Variants in STXBP5L observed in about 807,000 individuals in gnomAD.
STXBP5L encodes syntaxin binding protein 5L.
A neutral mutation model predicts 144.5 loss-of-function variants in STXBP5L; 65 were observed. The ratio of observed to expected loss-of-function variants is 0.45; its 90% CI spans 0.37 to 0.55. The LOEUF is 0.55. Among genes scored for constraint, STXBP5L ranks in the 20% least tolerant of loss-of-function variants. The pLI, the probability that STXBP5L is intolerant of heterozygous loss-of-function variation, is 0.00. For synonymous variants in STXBP5L, 505 were observed against 469.6 expected (o/e 1.08, Z -0.97); for missense variants, 1,298 against 1,405.5 (o/e 0.92, Z 1.22).
At chr3:121,172,408 A>T (rs1339333248) in intron 9 of STXBP5L, among the ~76,000 whole-genome samples, 1 of 152,190 alleles carries the variant, frequency 6.6e-6, no homozygotes, top group African/African-American at 2.4e-5. Flanking sequence ...AACCTACAGA[A>T]TGGGAGAAAA....
intron 20 of STXBP5L, among the ~76,000 whole-genome samples, chr3:121,341,410 T>C (rs1318236545): frequency 1.3e-5 from 2 of 152,060 alleles, no homozygotes; most frequent in African/African-American, 4.8e-5. Flanking sequence ...AGAAAAGCAC[T>C]GTTGGTGGGA....
intron 2 of STXBP5L, among the ~76,000 whole-genome samples, chr3:120,935,004 T>G (rs1189112809): frequency 1.3e-5 from 2 of 151,926 alleles, no homozygotes; most frequent in Non-Finnish European, 2.9e-5. Flanking sequence ...AAATGGTTAT[T>G]GATAGAGTTG....
At position 121,392,806 on chromosome 3, in the gene STXBP5L, T is replaced by TATATA. The variant is rs1257765167; in HGVS notation, c.2587+11276_2587+11277insATAAT. ...ATATATATATATATATATATATATA[T>TATATA]ATCACATTTTTAATCCAATTGCCCA... On this transcript the variant is annotated intron_variant, in intron 22 of 26. Transcript: ENST00000471454. Among the ~76,000 whole-genome samples, 5 of 139,074 alleles carry TATATA rather than the reference T, an allele frequency of 3.6e-5. No homozygotes were observed. In the East Asian group the frequency reaches 1.1e-3, roughly 30 times the overall value. 91.2% of individuals were successfully genotyped at this position (139,074 alleles called of 152,430 possible).
At position 121,143,603 on chromosome 3, in the gene STXBP5L, C is replaced by T. The variant is rs1367725838; in HGVS notation, c.670-8874C>T. Among the ~76,000 whole-genome samples, 6 of 151,860 alleles carry T rather than the reference C, an allele frequency of 4.0e-5. 1 individual carries two copies. In the South Asian group the frequency reaches 1.0e-3, roughly 26 times the overall value. On this transcript the variant is annotated intron_variant, in intron 7 of 26. Coordinates refer to ENST00000471454, the MANE Select transcript of STXBP5L (RefSeq NM_001308330.2). ...ATGTAGTATGACAATTGCATAAAAA[C>T]AGACATATAGACCAATGGAACAGAA...
At position 120,977,123 on chromosome 3, in the gene STXBP5L, C is replaced by T. The variant is rs182468750; in HGVS notation, c.287+22086C>T. Among the ~76,000 whole-genome samples the T allele has an allele frequency of 5.9e-5, 9 of 152,304 alleles. No individual in the cohort carries two copies. In the East Asian group the frequency reaches 9.6e-4, roughly 16 times the overall value. On this transcript the variant is annotated intron_variant, in intron 3 of 26. Coordinates refer to ENST00000471454, the MANE Select transcript of STXBP5L (RefSeq NM_001308330.2). ...CTTGTTACCTTTCTGTCTCATTGAT[C>T]TGTCTAATGTTGACAGTGGGGTGTT...
intron 3 of STXBP5L, among the ~76,000 whole-genome samples, chr3:120,989,330 A>G (rs764545679): frequency 7.2e-5 from 11 of 152,128 alleles, no homozygotes; most frequent in Non-Finnish European, 1.3e-4. Context: ...AGCCATTCTG[A>G]CTGGTGTAAG....
intron 7 of STXBP5L, among the ~76,000 whole-genome samples, chr3:121,141,607 T>C (rs372486120): frequency 2.6e-5 from 4 of 152,120 alleles, no homozygotes; most frequent in African/African-American, 9.7e-5. Context: ...TATAAGTAGA[T>C]GAAAATTGTG....
At chr3:121,180,531 AAAAC>A (rs550948092) in intron 9 of STXBP5L, among the ~76,000 whole-genome samples, 1 of 152,228 alleles carries the variant, frequency 6.6e-6, no homozygotes, top group Non-Finnish European at 1.5e-5. Context: ...ATACAATGAA[AAAAC>A]AAACAAACAA....
chr3:120,974,125 C>T (rs2107811526), intron 3 of STXBP5L, among the ~76,000 whole-genome samples: 1 of 152,276 alleles, frequency 6.6e-6, no homozygotes, highest in Admixed American at 6.5e-5. Flanking sequence ...ACACTAACTT[C>T]CACAATGGTT....
At chr3:121,407,151 T>C in intron 22 of STXBP5L, 92 bp from the exon 23 acceptor site, 1 of 1,435,030 alleles carries the variant, frequency 7.0e-7, no homozygotes, top group Non-Finnish European at 9.3e-7. Flanking sequence ...TATGACTCTA[T>C]AGGTATAAAT....
At chr3:120,931,602 G>T (rs1300316516) in intron 2 of STXBP5L, among the ~76,000 whole-genome samples, 1 of 152,122 alleles carries the variant, frequency 6.6e-6, no homozygotes, top group Non-Finnish European at 1.5e-5. Context: ...TTTTAAAGTA[G>T]TTTTTGTAGA....
chr3:121,270,654 C>T (rs537978785), intron 18 of STXBP5L, among the ~76,000 whole-genome samples: 3 of 152,158 alleles, frequency 2.0e-5, no homozygotes, highest in East Asian at 1.9e-4. Context: ...TGTTTTGCCA[C>T]GTTGACCAGG....
At chr3:121,332,557 A>T (rs1317478886) in intron 20 of STXBP5L, among the ~76,000 whole-genome samples, 1 of 152,038 alleles carries the variant, frequency 6.6e-6, no homozygotes, top group Non-Finnish European at 1.5e-5. Context: ...ATTCAATCAA[A>T]CAAAAATAAA....
chr3:121,207,096 T>A (rs926743317), intron 10 of STXBP5L, among the ~76,000 whole-genome samples: 3 of 152,202 alleles, frequency 2.0e-5, no homozygotes, highest in Non-Finnish European at 4.4e-5. Context: ...ATTTTATCTA[T>A]ATATAGATAT....
intron 9 of STXBP5L, among the ~76,000 whole-genome samples, chr3:121,180,323 G>A (rs992917946): frequency 6.6e-6 from 1 of 152,150 alleles, no homozygotes; most frequent in Non-Finnish European, 1.5e-5. Context: ...CAAGAATTTG[G>A]TATCCAGCAA....
intron 3 of STXBP5L, among the ~76,000 whole-genome samples, chr3:121,019,898 C>T (rs970531777): frequency 4.6e-5 from 7 of 152,094 alleles, no homozygotes; most frequent in African/African-American, 1.7e-4. Context: ...CACTAGCTCA[C>T]CAGCAATGGA....
intron 20 of STXBP5L, among the ~76,000 whole-genome samples, chr3:121,376,967 G>C (rs2046202460): frequency 6.6e-6 from 1 of 152,062 alleles, no homozygotes; most frequent in South Asian, 2.1e-4. Context: ...TGGATTCCTA[G>C]GTATTTTATT....
At chr3:121,137,036 C>G (rs920675293) in intron 7 of STXBP5L, among the ~76,000 whole-genome samples, 2 of 152,136 alleles carry the variant, frequency 1.3e-5, no homozygotes, top group South Asian at 2.1e-4. Context: ...TGTGTACACA[C>G]AGACACAAAG....
At position 121,303,545 on chromosome 3, in the gene STXBP5L, T is replaced by C. The variant is rs566706771; in HGVS notation, c.2111-14930T>C. Reference sequence around the variant, plus strand: ...ATTACTGGGTATATACCCAAAGGATTATAAATCATGCTGCTATAAAGACAC... The same window carrying C: ...ATTACTGGGTATATACCCAAAGGATCATAAATCATGCTGCTATAAAGACAC... On this transcript the variant is annotated intron_variant, in intron 19 of 26. Coordinates refer to ENST00000471454, the MANE Select transcript of STXBP5L (RefSeq NM_001308330.2). Among the ~76,000 whole-genome samples the C allele has an allele frequency of 2.2e-4, 34 of 152,248 alleles. No homozygotes were observed. The South Asian group carries it at 6.8e-3, about 31-fold the overall frequency.
Sources: gnomAD v4.1 joint callset for allele counts (sites outside exome capture counted in the v4.1 genomes callset) on GRCh38, gnomAD v4.1.1 for gene constraint, MANE v1.5 for transcripts, NCBI Gene and HGNC (gene_info 2026-07-23, HGNC 2026-07-21) for gene names.